Variants in TAFA2 observed in about 807,000 individuals in gnomAD.
TAFA2 encodes the protein chemokine-like protein TAFA-2.
Under a neutral mutation model 18.8 loss-of-function variants are expected in TAFA2, and 7 were observed. The ratio of observed to expected loss-of-function variants is 0.37; its 90% CI spans 0.21 to 0.70. The LOEUF (loss-of-function observed/expected upper bound fraction) is 0.70. Among genes scored for constraint, TAFA2 ranks in the 30% least tolerant of loss-of-function variants. The pLI, the probability that TAFA2 is intolerant of heterozygous loss-of-function variation, is 0.53. For synonymous variants in TAFA2, 60 were observed against 54.2 expected (o/e 1.11, Z -0.47); for missense variants, 122 against 158.1 (o/e 0.77, Z 1.23).
chr12:61,986,431 TG>T (rs1879821391), intron 1 of TAFA2, among the ~76,000 whole-genome samples: 1 of 152,092 alleles, frequency 6.6e-6, no homozygotes, highest in Non-Finnish European at 1.5e-5. Flanking sequence ...CCCAAAGTGC[TG>T]GTATTATAGG....
At chr12:61,739,181 G>A (rs1868358452) in intron 4 of TAFA2, among the ~76,000 whole-genome samples, 1 of 152,058 alleles carries the variant, frequency 6.6e-6, no homozygotes, top group Non-Finnish European at 1.5e-5. Flanking sequence ...ATACATGGCA[G>A]TTGGGATATG....
At chr12:62,010,151 C>T (rs1053038464) in intron 1 of TAFA2, among the ~76,000 whole-genome samples, 3 of 150,458 alleles carry the variant, frequency 2.0e-5, no homozygotes, top group Non-Finnish European at 4.4e-5. Flanking sequence ...CTCCCTCTCC[C>T]TCTCCCCCTC....
intron 1 of TAFA2, among the ~76,000 whole-genome samples, chr12:61,917,871 G>T (rs1209222022): frequency 6.6e-6 from 1 of 152,120 alleles, no homozygotes; most frequent in Non-Finnish European, 1.5e-5. Context: ...TCAGTAATTA[G>T]GTTCTGGAAA....
At chr12:62,123,507 T>A (rs1272556613) in intron 1 of TAFA2, among the ~76,000 whole-genome samples, 1 of 151,798 alleles carries the variant, frequency 6.6e-6, no homozygotes, top group African/African-American at 2.4e-5. Flanking sequence ...ACAGGCTAAC[T>A]GGAAAAGTAA....
intron 2 of TAFA2, among the ~76,000 whole-genome samples, chr12:61,793,071 T>G (rs1169134045): frequency 3.3e-5 from 5 of 151,642 alleles, no homozygotes; most frequent in African/African-American, 1.2e-4. Flanking sequence ...TTTAACTAAA[T>G]TTTTAAATGA....
chr12:62,133,071 A>G (rs1175657981), intron 1 of TAFA2, among the ~76,000 whole-genome samples: 1 of 151,964 alleles, frequency 6.6e-6, no homozygotes, highest in Non-Finnish European at 1.5e-5. Context: ...CCTCCATAGC[A>G]TCCTTGACCC....
intron 1 of TAFA2, among the ~76,000 whole-genome samples, chr12:62,052,229 T>C (rs1321554708): frequency 6.6e-6 from 1 of 152,126 alleles, no homozygotes; most frequent in African/African-American, 2.4e-5. Context: ...AGAGAGAGTC[T>C]GTTTCCCAGG....
At chr12:61,727,297 G>A (rs1435431051) in intron 4 of TAFA2, among the ~76,000 whole-genome samples, 1 of 151,550 alleles carries the variant, frequency 6.6e-6, no homozygotes, top group African/African-American at 2.4e-5. Context: ...TGTAGAATTG[G>A]TACCAATTCT....
intron 4 of TAFA2, among the ~76,000 whole-genome samples, chr12:61,744,430 G>T (rs533796644): frequency 6.6e-6 from 1 of 151,920 alleles, no homozygotes; most frequent in Non-Finnish European, 1.5e-5. Context: ...ACATAGAGCC[G>T]GATGATATAT....
intron 1 of TAFA2, among the ~76,000 whole-genome samples, chr12:61,918,343 T>C (rs1876915339): frequency 6.6e-6 from 1 of 152,076 alleles, no homozygotes; most frequent in Non-Finnish European, 1.5e-5. Context: ...AGGTAACCAT[T>C]CTTCTATTTC....
At chr12:62,166,175 A>G (rs1030197456) in intron 1 of TAFA2, among the ~76,000 whole-genome samples, 1 of 151,952 alleles carries the variant, frequency 6.6e-6, no homozygotes, top group Admixed American at 6.6e-5. Flanking sequence ...CTTATTCTTT[A>G]AAAAAATTAT....
intron 4 of TAFA2, among the ~76,000 whole-genome samples, chr12:61,716,581 T>A (rs986509554): frequency 1.3e-5 from 2 of 151,984 alleles, no homozygotes; most frequent in Admixed American, 6.6e-5. Context: ...TAGCTTAATT[T>A]AAAAAAAATT....
Position 61,880,136 on chromosome 12 carries a change from A to T in TAFA2, c.-1-12710T>A, listed in dbSNP as rs548142974. Reference sequence around the variant, plus strand: ...CAAGGCCCAGTATAAGGAGATCGCCAACTGCAGCTGGGCTAAGGCTGACAG... The same window carrying T: ...CAAGGCCCAGTATAAGGAGATCGCCTACTGCAGCTGGGCTAAGGCTGACAG... On this transcript the variant is annotated intron_variant, in intron 1 of 4. Coordinates refer to ENST00000416284, the MANE Select transcript of TAFA2 (RefSeq NM_178539.5). The T allele has an allele frequency of 3.7e-5, 22 of 587,856 alleles. No individual in the cohort carries two copies. The East Asian group carries it at 6.7e-4, about 18-fold the overall frequency. 36.4% of individuals were successfully genotyped at this position (587,856 alleles called of 1,614,324 possible).
At chr12:62,223,511 T>C (rs898723119) in intron 1 of TAFA2, among the ~76,000 whole-genome samples, 2 of 152,078 alleles carry the variant, frequency 1.3e-5, no homozygotes, top group Non-Finnish European at 2.9e-5. Flanking sequence ...TAAATGATGC[T>C]GAAAAAAACT....
intron 4 of TAFA2, among the ~76,000 whole-genome samples, chr12:61,728,692 A>T (rs1286603015): frequency 1.3e-5 from 2 of 152,014 alleles, no homozygotes; most frequent in Admixed American, 1.3e-4. Flanking sequence ...GCCATTCTGC[A>T]TATTTGAAGT....
In TAFA2 at chr12:61,839,799, T is replaced by C. The variant is rs1873095578; in HGVS notation, c.106+27521A>G. Reference sequence around the variant, plus strand: ...GTTCACTACTTGGGCAAAGGGATCATTAGAAGTCCAAACGCAATATACCCA... The same window carrying C: ...GTTCACTACTTGGGCAAAGGGATCACTAGAAGTCCAAACGCAATATACCCA... On this transcript the variant is annotated intron_variant, in intron 2 of 4. Coordinates refer to ENST00000416284, the MANE Select transcript of TAFA2 (RefSeq NM_178539.5). Among the ~76,000 whole-genome samples the C allele has an allele frequency of 2.6e-5, 4 of 151,972 alleles. No individual in the cohort carries two copies. The South Asian group carries it at 8.3e-4, about 32-fold the overall frequency.
At chr12:62,135,032 A>G (rs1870840201) in intron 1 of TAFA2, among the ~76,000 whole-genome samples, 1 of 152,066 alleles carries the variant, frequency 6.6e-6, no homozygotes, top group South Asian at 2.1e-4. Context: ...ATACTAAGTT[A>G]AAACCCCCTA....
intron 1 of TAFA2, among the ~76,000 whole-genome samples, chr12:62,183,490 C>T (rs564225479): frequency 1.3e-5 from 2 of 152,136 alleles, no homozygotes; most frequent in Non-Finnish European, 2.9e-5. Flanking sequence ...CTCAAGCAAA[C>T]CTCCCACCTC....
intron 2 of TAFA2, among the ~76,000 whole-genome samples, chr12:61,857,106 A>C (rs1274023926): frequency 6.6e-6 from 1 of 151,984 alleles, no homozygotes. Context: ...TTTATATTCT[A>C]AAATATAAAA....
Sources: gnomAD v4.1 joint callset for allele counts (sites outside exome capture counted in the v4.1 genomes callset) on GRCh38, gnomAD v4.1.1 for gene constraint, MANE v1.5 for transcripts, NCBI Gene and HGNC (gene_info 2026-07-23, HGNC 2026-07-21) for gene names.